The following FUT9 variants were observed in gnomAD, a reference collection of about 807,000 sequenced individuals.
The protein encoded by FUT9 is 4-galactosyl-N-acetylglucosaminide 3-alpha-L-fucosyltransferase 9.
In FUT9, 15 loss-of-function variants were observed where a neutral mutation model predicts 29.7. The observed-to-expected ratio is 0.51, with a 90% confidence interval of 0.34 to 0.78. The LOEUF (loss-of-function observed/expected upper bound fraction) is 0.78. Among genes scored for constraint, FUT9 ranks in the 30% least tolerant of loss-of-function variants. FUT9 has a pLI of 0.01. For missense variants in FUT9, 319 were observed against 425.4 expected, an observed-to-expected ratio of 0.75 and a Z score of 2.20; for synonymous variants, 169 against 153.7, an observed-to-expected ratio of 1.10 and a Z score of -0.74.
chr6:96,180,191 T>C (rs1773279267), intron 2 of FUT9, among the ~76,000 whole-genome samples: 1 of 152,164 alleles, frequency 6.6e-6, no homozygotes, highest in Non-Finnish European at 1.5e-5. Flanking sequence ...TTCCCGGTCA[T>C]GTTTACTGAG....
chr6:96,109,100 C>A (rs1323575301), intron 1 of FUT9, among the ~76,000 whole-genome samples: 1 of 152,278 alleles, frequency 6.6e-6, no homozygotes, highest in East Asian at 1.9e-4. Flanking sequence ...CTTTTGGCAG[C>A]AATGCTCACT....
At position 96,204,386 on chromosome 6, in the gene FUT9, T is replaced by A. The variant is rs1182641761; in HGVS notation, c.*151T>A. ...ACGTGTATATTTTGGTGGAGATTTT[T>A]AAAAGCTCAGCATGAGCAATCATTC... On this transcript the variant is annotated 3_prime_UTR_variant, in exon 3 of 3. Coordinates refer to ENST00000302103, the MANE Select transcript of FUT9 (RefSeq NM_006581.4). 4.0e-6 allele frequency: 2 copies of A among 496,852 alleles called. No individual in the cohort carries two copies. Among genetic ancestry groups the A allele is most frequent in the Non-Finnish European group, 6.8e-6 (2 of 292,662 alleles). 30.8% of individuals were successfully genotyped at this position (496,852 alleles called of 1,614,324 possible).
intron 2 of FUT9, among the ~76,000 whole-genome samples, chr6:96,134,125 A>G (rs999628342): frequency 2.6e-5 from 4 of 151,874 alleles, no homozygotes; most frequent in African/African-American, 4.8e-5. Flanking sequence ...AAAAATTAAT[A>G]AAATAGTTTT....
At chr6:96,080,226 A>G (rs963368198) in intron 1 of FUT9, among the ~76,000 whole-genome samples, 6 of 152,100 alleles carry the variant, frequency 3.9e-5, no homozygotes, top group East Asian at 1.9e-4. Flanking sequence ...GTTTCTAAAA[A>G]AAAAGCCAGA....
At chr6:96,193,481 T>G (rs1277442299) in intron 2 of FUT9, among the ~76,000 whole-genome samples, 1 of 148,686 alleles carries the variant, frequency 6.7e-6, no homozygotes, top group Non-Finnish European at 1.5e-5. Context: ...ATCAGAGAAA[T>G]GCAAATCAAA....
intron 2 of FUT9, among the ~76,000 whole-genome samples, chr6:96,191,724 C>T (rs1773514168): frequency 6.6e-6 from 1 of 152,162 alleles, no homozygotes; most frequent in African/African-American, 2.4e-5. Flanking sequence ...CTCCCTAACT[C>T]ATTTTATTTT....
chr6:96,189,624 C>G (rs1582296764), intron 2 of FUT9, among the ~76,000 whole-genome samples: 1 of 152,182 alleles, frequency 6.6e-6, no homozygotes, highest in East Asian at 1.9e-4. Context: ...GGATAGTTAG[C>G]TCTTCTTGTT....
chr6:96,195,685 T>G (rs2127989739), intron 2 of FUT9, among the ~76,000 whole-genome samples: 1 of 152,334 alleles, frequency 6.6e-6, no homozygotes. Flanking sequence ...AGCTAAAGCG[T>G]AAAGCTTTTG....
chr6:96,123,176 C>T (rs565769150), intron 2 of FUT9, among the ~76,000 whole-genome samples: 1 of 150,552 alleles, frequency 6.6e-6, no homozygotes, highest in East Asian at 2.0e-4. Context: ...TCAATTTGGA[C>T]CAATTTCTAG....
chr6:96,160,912 G>T (rs996625170), intron 2 of FUT9, among the ~76,000 whole-genome samples: 2 of 152,130 alleles, frequency 1.3e-5, no homozygotes, highest in African/African-American at 4.8e-5. Context: ...ATGGGTGACG[G>T]ACAGAAATAA....
chr6:96,192,900 A>T (rs147095401), intron 2 of FUT9, among the ~76,000 whole-genome samples: 1 of 152,056 alleles, frequency 6.6e-6, no homozygotes, highest in South Asian at 2.1e-4. Flanking sequence ...ATAATGCTGC[A>T]TATCTACAAC....
intron 2 of FUT9, among the ~76,000 whole-genome samples, chr6:96,185,130 T>A (rs1214609794): frequency 2.1e-5 from 3 of 142,088 alleles, no homozygotes; most frequent in Non-Finnish European, 4.6e-5. Context: ...AACTCCTTCC[T>A]CCTCAACAAT....
At chr6:96,059,188 T>A (rs1770829585) in intron 1 of FUT9, among the ~76,000 whole-genome samples, 1 of 152,212 alleles carries the variant, frequency 6.6e-6, no homozygotes, top group Non-Finnish European at 1.5e-5. Flanking sequence ...AGAGTGTATA[T>A]CACACTAAAG....
At chr6:96,182,153 G>C (rs1773321319) in intron 2 of FUT9, among the ~76,000 whole-genome samples, 1 of 151,998 alleles carries the variant, frequency 6.6e-6, no homozygotes, top group South Asian at 2.1e-4. Context: ...TTGTGGTTTT[G>C]ATTTGCATTT....
chr6:96,097,618 C>A (rs942268996), intron 1 of FUT9, among the ~76,000 whole-genome samples: 1 of 18,348 alleles, frequency 5.5e-5, no homozygotes, highest in East Asian at 6.8e-3. Flanking sequence ...TTTCAATGAA[C>A]ATTACAAAAA....
At chr6:96,126,030 C>T (rs916673936) in intron 2 of FUT9, among the ~76,000 whole-genome samples, 1 of 152,140 alleles carries the variant, frequency 6.6e-6, no homozygotes, top group East Asian at 1.9e-4. Flanking sequence ...TTTGTGCTGT[C>T]TTCAGGGTTG....
chr6:96,065,002 G>T (rs549052161), intron 1 of FUT9, among the ~76,000 whole-genome samples: 51 of 152,216 alleles, frequency 3.4e-4, no homozygotes, highest in African/African-American at 1.2e-3. Flanking sequence ...AAATTCCCTT[G>T]CTTCACTCCA....
At chr6:96,170,094 A>T (rs552625358) in intron 2 of FUT9, among the ~76,000 whole-genome samples, 8 of 152,336 alleles carry the variant, frequency 5.3e-5, no homozygotes, top group African/African-American at 1.9e-4. Context: ...GAAATTATAA[A>T]TATAATATTT....
At chr6:96,186,339 A>G (rs1773405721) in intron 2 of FUT9, among the ~76,000 whole-genome samples, 1 of 152,072 alleles carries the variant, frequency 6.6e-6, no homozygotes, top group African/African-American at 2.4e-5. Context: ...TTAGTTTCCC[A>G]TGAGCTCAAA....
Sources: allele counts gnomAD v4.1 joint callset (sites outside exome capture counted in the v4.1 genomes callset), GRCh38; gene constraint gnomAD v4.1.1; transcripts MANE v1.5; gene names NCBI Gene and HGNC (gene_info 2026-07-23, HGNC 2026-07-21).